DPP6: variants seen among roughly 807,000 people sequenced by gnomAD.
DPP6 encodes the protein dipeptidyl peptidase like 6.
Under a neutral mutation model 122.6 loss-of-function variants are expected in DPP6, and 69 were observed. That is an observed-to-expected ratio of 0.56 (90% confidence interval 0.46 to 0.69). DPP6 has a LOEUF of 0.69. Ranked by LOEUF, DPP6 falls within the 30% of genes least tolerant of loss-of-function variation. The probability of loss-of-function intolerance (pLI) is 0.00; values close to 1 mark genes in which losing one functional copy is unlikely to be tolerated. For synonymous variants in DPP6, 418 were observed against 433.1 expected (o/e 0.97, Z 0.43); for missense variants, 928 against 1,116.9 (o/e 0.83, Z 2.41).
intron 1 of DPP6, among the ~76,000 whole-genome samples, chr7:154,139,807 A>G (rs1039558082): frequency 2.7e-4 from 41 of 152,232 alleles, no homozygotes; most frequent in Non-Finnish European, 1.2e-4. Context: ...CTGGAGCACT[A>G]CAACTAAGAA....
At chr7:154,842,171 C>T (rs1463012888) in intron 16 of DPP6, among the ~76,000 whole-genome samples, 1 of 152,224 alleles carries the variant, frequency 6.6e-6, no homozygotes, top group Non-Finnish European at 1.5e-5. Flanking sequence ...TCGGCCAGAG[C>T]CTGCCTCTGC....
rs149233623 is a variant in DPP6, at chr7:154,240,509, C to G, written c.243+187446C>G. Among the ~76,000 whole-genome samples, 648 of 152,218 alleles carry G rather than the reference C, an allele frequency of 4.3e-3. 1 individual carries two copies. Among genetic ancestry groups the G allele is most frequent in the African/African-American group, 0.015 (622 of 41,514 alleles). On this transcript the variant is annotated intron_variant, in intron 1 of 25. Transcript: ENST00000377770. ...TCCATCTTCCATCCCATGCCTCAGC[C>G]AAGGCAAGAAAGAGTGAAATAACTG...
chr7:153,790,942 C>T, the DPP6 span, among the ~76,000 whole-genome samples: 1 of 152,096 alleles, frequency 6.6e-6, no homozygotes, highest in Non-Finnish European at 1.5e-5. Context: ...TACGGAGCAA[C>T]TAGTCATTTT....
At chr7:153,806,734 T>G in the DPP6 span, among the ~76,000 whole-genome samples, 9 of 151,986 alleles carry the variant, frequency 5.9e-5, no homozygotes, top group Non-Finnish European at 1.2e-4. Flanking sequence ...TTTGAAAGTG[T>G]TGTATATTGA....
chr7:154,006,589 G>A (rs17134267), intron 1 of DPP6, among the ~76,000 whole-genome samples: 1,850 of 152,224 alleles, frequency 0.012, 22 homozygotes, highest in African/African-American at 0.042. Context: ...TGCGTGGCCC[G>A]AGTTGAAAGC....
chr7:154,692,617 T>A (rs1255553438), intron 7 of DPP6, among the ~76,000 whole-genome samples: 5 of 152,140 alleles, frequency 3.3e-5, no homozygotes, highest in African/African-American at 9.7e-5. Context: ...GCCTTGAGAA[T>A]TTGGGGTGTG....
chr7:153,798,523 G>T, the DPP6 span, among the ~76,000 whole-genome samples: 1 of 152,270 alleles, frequency 6.6e-6, no homozygotes, highest in South Asian at 2.1e-4. Context: ...CCTTGGCTAC[G>T]AGGGGATGTG....
intron 6 of DPP6, among the ~76,000 whole-genome samples, chr7:154,665,944 G>A (rs950148326): frequency 2.0e-5 from 3 of 151,276 alleles, no homozygotes; most frequent in Non-Finnish European, 2.9e-5. Flanking sequence ...TCTCAAAATT[G>A]ATCCTCCAAA....
At chr7:154,417,347 C>T (rs533975720) in intron 1 of DPP6, among the ~76,000 whole-genome samples, 1 of 152,310 alleles carries the variant, frequency 6.6e-6, no homozygotes, top group African/African-American at 2.4e-5. Flanking sequence ...GTGATGGCCC[C>T]CCATGCTGCT....
chr7:154,284,841 C>T (rs981851914), intron 1 of DPP6, among the ~76,000 whole-genome samples: 3 of 152,094 alleles, frequency 2.0e-5, no homozygotes, highest in Admixed American at 6.6e-5. Flanking sequence ...GGTGACAGAG[C>T]GAGACTTCAT....
intron 16 of DPP6, among the ~76,000 whole-genome samples, chr7:154,849,396 C>G (rs1055304597): frequency 1.3e-5 from 2 of 152,082 alleles, no homozygotes; most frequent in East Asian, 3.9e-4. Context: ...TTTTTACTTC[C>G]TTGAATTTAT....
chr7:154,721,188 G>A (rs751468486), intron 7 of DPP6, among the ~76,000 whole-genome samples: 1 of 152,236 alleles, frequency 6.6e-6, no homozygotes, highest in Non-Finnish European at 1.5e-5. Context: ...TTGCTGTCAA[G>A]TTGCAACACG....
Position 154,246,531 on chromosome 7 carries a change from A to G in DPP6, c.243+193468A>G, listed in dbSNP as rs150132526. ...TCCAACAAGGTGGTAGAAATTGACA[A>G]GCAGATTCTAAAATTTGCATAGGAA... is the stretch of plus-strand genomic sequence containing the variant. On this transcript the variant is annotated intron_variant, in intron 1 of 25. Transcript: ENST00000377770. 3.9e-3 allele frequency among the ~76,000 whole-genome samples: 597 copies of G among 152,340 alleles called. 3 individuals carry two copies. The highest frequency in any genetic ancestry group is 0.011 in the African/African-American group (438 of 41,590).
the DPP6 span, among the ~76,000 whole-genome samples, chr7:153,781,977 T>TAC: frequency 0.088 from 7,934 of 89,706 alleles, 1,895 homozygotes; most frequent in Admixed American, 0.25. Flanking sequence ...CCCCAGAGAA[T>TAC]ACACACACAC....
intron 7 of DPP6, among the ~76,000 whole-genome samples, chr7:154,689,475 A>G (rs958296452): frequency 2.0e-5 from 3 of 152,000 alleles, no homozygotes; most frequent in Non-Finnish European, 4.4e-5. Context: ...GGTGTATTGT[A>G]TTGTCAGTAG....
chr7:154,132,365 C>A (rs542664942), intron 1 of DPP6, among the ~76,000 whole-genome samples: 31 of 152,126 alleles, frequency 2.0e-4, no homozygotes, highest in Non-Finnish European at 4.1e-4. Flanking sequence ...ATATGCAATT[C>A]AGCTTAACCC....
At chr7:154,026,671 A>G (rs963990926) in intron 1 of DPP6, 8 of 151,320 alleles carry the variant, frequency 5.3e-5, no homozygotes, top group African/African-American at 1.9e-4. Flanking sequence ...GACTTCTTCA[A>G]GTGTCCTTAG....
intron 10 of DPP6, among the ~76,000 whole-genome samples, chr7:154,777,686 T>G (rs1796668014): frequency 6.6e-6 from 1 of 152,140 alleles, no homozygotes; most frequent in East Asian, 1.9e-4. Flanking sequence ...TGTGCTGATA[T>G]GTGCTGTTAT....
Position 154,227,215 on chromosome 7 carries a change from G to GACACACACACACACAC in DPP6, c.243+174153_243+174168dup, listed in dbSNP as rs1554495537. On this transcript the variant is annotated intron_variant, in intron 1 of 25. Coordinates refer to ENST00000377770, the MANE Select transcript of DPP6 (RefSeq NM_130797.4). ...AGATGAGTGGATAAAGAAAATGAGG[G>GACACACACACACACAC]ACACACACACACACACCCCTAGGAA... Among the ~76,000 whole-genome samples, 398 of 141,442 alleles carry GACACACACACACACAC rather than the reference G, an allele frequency of 2.8e-3. 3 individuals carry two copies. The highest frequency in any genetic ancestry group is 8.2e-3 in the African/African-American group (307 of 37,360). The allele number at this position is 141,442 out of a possible 152,430, so 92.8% of individuals were successfully genotyped here. A position where few individuals can be genotyped will look rare whatever the true frequency, so the allele number is the denominator to read the frequency against.
Sources: gnomAD v4.1 joint callset for allele counts (sites outside exome capture counted in the v4.1 genomes callset) on GRCh38, gnomAD v4.1.1 for gene constraint, MANE v1.5 for transcripts, NCBI Gene and HGNC (gene_info 2026-07-23, HGNC 2026-07-21) for gene names.